DSCAM: variants seen among roughly 807,000 people sequenced by gnomAD.
DSCAM encodes the protein DS cell adhesion molecule, also known as cell adhesion molecule DSCAM.
In DSCAM, 47 loss-of-function variants were observed where a neutral mutation model predicts 217.7. That is an observed-to-expected ratio of 0.22 (90% CI 0.17 to 0.28). DSCAM has a LOEUF of 0.28. DSCAM is among the 10% of genes least tolerant of loss of function. The pLI, the probability that DSCAM is intolerant of heterozygous loss-of-function variation, is 1.00. For synonymous variants in DSCAM, 1,056 were observed against 1,015.3 expected (o/e 1.04, Z -0.76); for missense variants, 2,080 against 2,618.3 (o/e 0.79, Z 4.49).
intron 2 of DSCAM, among the ~76,000 whole-genome samples, chr21:40,698,741 A>T (rs2090621561): frequency 6.6e-6 from 1 of 152,092 alleles, no homozygotes; most frequent in Non-Finnish European, 1.5e-5. Flanking sequence ...GTGGTGGCGC[A>T]TGCCTGTAAT....
intron 3 of DSCAM, among the ~76,000 whole-genome samples, chr21:40,467,512 T>C (rs1272496010): frequency 6.6e-6 from 1 of 152,196 alleles, no homozygotes; most frequent in Non-Finnish European, 1.5e-5. Flanking sequence ...GTATGAATGA[T>C]GGCATAAAAT....
chr21:40,017,686 G>C (rs569258212), intron 32 of DSCAM, among the ~76,000 whole-genome samples: 2 of 152,032 alleles, frequency 1.3e-5, no homozygotes, highest in African/African-American at 2.4e-5. Flanking sequence ...TGAGTAGCTG[G>C]GATTACAGGC....
intron 1 of DSCAM, among the ~76,000 whole-genome samples, chr21:40,782,820 T>C (rs1275613961): frequency 6.6e-6 from 1 of 152,356 alleles, no homozygotes; most frequent in East Asian, 1.9e-4. Context: ...AATAAATAAG[T>C]GTCATATTAA....
chr21:40,766,008 G>C (rs539219150), intron 1 of DSCAM, among the ~76,000 whole-genome samples: 4 of 152,204 alleles, frequency 2.6e-5, no homozygotes, highest in African/African-American at 4.8e-5. Context: ...TCACAGCCGC[G>C]GAGGCAGGCA....
intron 24 of DSCAM, among the ~76,000 whole-genome samples, chr21:40,081,041 G>A (rs923975967): frequency 1.3e-5 from 2 of 152,150 alleles, no homozygotes; most frequent in South Asian, 2.1e-4. Context: ...GAACAGTGAC[G>A]ACTCTCCCAC....
At chr21:40,604,185 CATTG>C (rs569080292) in intron 3 of DSCAM, among the ~76,000 whole-genome samples, 16 of 152,118 alleles carry the variant, frequency 1.1e-4, no homozygotes, top group Middle Eastern at 6.8e-3. Context: ...TCTTCAAGCT[CATTG>C]ATTCTTTCTT....
At chr21:40,112,175 T>C (rs2089907564) in intron 20 of DSCAM, among the ~76,000 whole-genome samples, 1 of 147,530 alleles carries the variant, frequency 6.8e-6, no homozygotes, top group African/African-American at 2.5e-5. Flanking sequence ...AGTAAAGCTC[T>C]CCTCAGCAAA....
chr21:40,219,606 A>G (rs955256467), intron 11 of DSCAM, among the ~76,000 whole-genome samples: 15 of 152,152 alleles, frequency 9.9e-5, no homozygotes, highest in Admixed American at 7.2e-4. Context: ...GAAATTAATG[A>G]GTCAAAAGAC....
intron 3 of DSCAM, among the ~76,000 whole-genome samples, chr21:40,650,579 T>C (rs2090000365): frequency 6.6e-6 from 1 of 152,150 alleles, no homozygotes. Flanking sequence ...GAGGAGTTTT[T>C]CCACTCTCTT....
chr21:40,041,307 G>A (rs767476407), intron 32 of DSCAM, among the ~76,000 whole-genome samples: 13 of 152,194 alleles, frequency 8.5e-5, no homozygotes, highest in East Asian at 3.9e-4. Context: ...ATTTCAGGGT[G>A]AAAAAGAAAA....
intron 16 of DSCAM, among the ~76,000 whole-genome samples, chr21:40,151,898 T>G (rs1039167673): frequency 1.3e-5 from 2 of 152,184 alleles, no homozygotes; most frequent in African/African-American, 4.8e-5. Flanking sequence ...CCACCAGGGA[T>G]GAAAATAGCT....
At chr21:40,579,073 G>A (rs1472392638) in intron 3 of DSCAM, among the ~76,000 whole-genome samples, 2 of 152,248 alleles carry the variant, frequency 1.3e-5, no homozygotes, top group Non-Finnish European at 2.9e-5. Flanking sequence ...GGAGGTAGAG[G>A]GAATGGGCTA....
At chr21:40,445,391 C>A (rs1037304829) in intron 3 of DSCAM, among the ~76,000 whole-genome samples, 7 of 152,142 alleles carry the variant, frequency 4.6e-5, no homozygotes, top group Non-Finnish European at 1.0e-4. Flanking sequence ...TTAAGTGAGT[C>A]GTCTCTTTAA....
intron 20 of DSCAM, among the ~76,000 whole-genome samples, chr21:40,103,207 T>C (rs1371646416): frequency 6.6e-6 from 1 of 152,330 alleles, no homozygotes; most frequent in Non-Finnish European, 1.5e-5. Flanking sequence ...ATTAACTTTT[T>C]AATGAAAAAC....
At chr21:40,458,911 G>A (rs899259634) in intron 3 of DSCAM, among the ~76,000 whole-genome samples, 7 of 151,854 alleles carry the variant, frequency 4.6e-5, no homozygotes, top group African/African-American at 1.2e-4. Flanking sequence ...AAACCAAAAC[G>A]GTGACTGGAG....
chr21:40,800,679 G>A (rs2123496806), intron 1 of DSCAM, among the ~76,000 whole-genome samples: 1 of 151,338 alleles, frequency 6.6e-6, no homozygotes, highest in South Asian at 2.1e-4. Context: ...TAGGATATCT[G>A]ACACAAGGCA....
At chr21:40,454,031 T>C (rs890775800) in intron 3 of DSCAM, among the ~76,000 whole-genome samples, 1 of 152,186 alleles carries the variant, frequency 6.6e-6, no homozygotes, top group Non-Finnish European at 1.5e-5. Context: ...CTAGGTAGGA[T>C]AAAGAAAAAC....
intron 2 of DSCAM, among the ~76,000 whole-genome samples, chr21:40,706,713 G>T (rs2090721472): frequency 6.6e-6 from 1 of 152,086 alleles, no homozygotes; most frequent in African/African-American, 2.4e-5. Context: ...TTCCAGTTCT[G>T]TACTCATATT....
At chr21:40,786,966 C>T (rs892747867) in intron 1 of DSCAM, among the ~76,000 whole-genome samples, 1 of 152,150 alleles carries the variant, frequency 6.6e-6, no homozygotes, top group African/African-American at 2.4e-5. Context: ...GCAAACTTGC[C>T]AACTGGGAAC....
Sources: gnomAD v4.1 joint callset for allele counts (sites outside exome capture counted in the v4.1 genomes callset) on GRCh38, gnomAD v4.1.1 for gene constraint, MANE v1.5 for transcripts, NCBI Gene and HGNC (gene_info 2026-07-23, HGNC 2026-07-21) for gene names.